The following NOX4 variants were observed in gnomAD, a reference collection of about 807,000 sequenced individuals.
NOX4 encodes NADPH oxidase 4.
Under a neutral mutation model 87.6 loss-of-function variants are expected in NOX4, and 69 were observed. That is an observed-to-expected ratio of 0.79 (90% CI 0.65 to 0.96). NOX4 has a LOEUF of 0.96. NOX4 is among the 40% of genes least tolerant of loss of function. NOX4 has a pLI of 0.00. For missense variants in NOX4, 680 were observed against 681.5 expected (o/e 1.00, Z 0.02); for synonymous variants, 275 against 238.2 (o/e 1.15, Z -1.42).
chr11:89,427,124 A>C lies in NOX4; in HGVS notation c.549-5142T>G, dbSNP rs1399164565. Reference sequence around the variant, plus strand: ...CCCAGGCAAACAGCATCTGGAGTGGACCTCCAGCAAACTCCAACAGACCTG... The same window carrying C: ...CCCAGGCAAACAGCATCTGGAGTGGCCCTCCAGCAAACTCCAACAGACCTG... On this transcript the variant is annotated intron_variant, in intron 7 of 17. Transcript: ENST00000263317. Among the ~76,000 whole-genome samples the C allele has an allele frequency of 3.3e-5, 5 of 152,272 alleles. No homozygotes were observed. The East Asian group carries it at 9.6e-4, about 29-fold the overall frequency.
intron 8 of NOX4, among the ~76,000 whole-genome samples, chr11:89,421,051 A>C (rs566178951): frequency 6.6e-6 from 1 of 152,296 alleles, no homozygotes; most frequent in Non-Finnish European, 1.5e-5. Context: ...GAGTTGCTAC[A>C]TGAAGGAGTG....
chr11:89,424,456 A>G (rs1322666767), intron 7 of NOX4, among the ~76,000 whole-genome samples: 1 of 150,420 alleles, frequency 6.6e-6, no homozygotes, highest in African/African-American at 2.5e-5. Flanking sequence ...AATAATTCCA[A>G]ATGTTTCATT....
intron 2 of NOX4, among the ~76,000 whole-genome samples, chr11:89,465,242 T>C (rs927819064): frequency 5.3e-5 from 8 of 152,194 alleles, no homozygotes; most frequent in Non-Finnish European, 8.8e-5. Context: ...GTGTTTGGTT[T>C]TCTGCTGTTG....
chr11:89,542,547 A>T, the NOX4 span, among the ~76,000 whole-genome samples: 3 of 152,320 alleles, frequency 2.0e-5, no homozygotes, highest in African/African-American at 7.2e-5. Flanking sequence ...AGCCAGGCAG[A>T]TTCTGTCCGG....
chr11:89,497,267 G>A (rs762365073), intron 1 of NOX4, among the ~76,000 whole-genome samples: 2 of 152,122 alleles, frequency 1.3e-5, no homozygotes, highest in Non-Finnish European at 2.9e-5. Context: ...AGTAATTCCT[G>A]TATGTGTGTG....
chr11:89,507,464 CATATAAT>C, the NOX4 span, among the ~76,000 whole-genome samples: 155 of 151,044 alleles, frequency 1.0e-3, 1 homozygote, highest in African/African-American at 3.3e-3. Flanking sequence ...ATGCATATGT[CATATAAT>C]ATATAACAAT....
chr11:89,540,681 G>A, the NOX4 span, among the ~76,000 whole-genome samples: 1 of 151,040 alleles, frequency 6.6e-6, no homozygotes, highest in Admixed American at 6.6e-5. Flanking sequence ...CCAGCTACTC[G>A]GGAGGCTGAG....
At chr11:89,465,957 C>A (rs1480242418) in intron 2 of NOX4, among the ~76,000 whole-genome samples, 1 of 152,092 alleles carries the variant, frequency 6.6e-6, no homozygotes, top group Non-Finnish European at 1.5e-5. Context: ...TCTGATTAAA[C>A]TAAAGAACTT....
chr11:89,585,486 C>T, the NOX4 span, among the ~76,000 whole-genome samples: 2 of 152,140 alleles, frequency 1.3e-5, no homozygotes, highest in Non-Finnish European at 2.9e-5. Context: ...TAAAAGGCCA[C>T]ATAGTAAATA....
chr11:89,573,330 A>G, the NOX4 span, among the ~76,000 whole-genome samples: 1 of 152,126 alleles, frequency 6.6e-6, no homozygotes, highest in Non-Finnish European at 1.5e-5. Context: ...AGCTCAGGAG[A>G]TCGAGACCAT....
At chr11:89,400,579 A>C (rs1179803650) in intron 9 of NOX4, among the ~76,000 whole-genome samples, 200 bp from the exon 10 acceptor site, 2 of 152,132 alleles carry the variant, frequency 1.3e-5, no homozygotes, top group African/African-American at 4.8e-5. Flanking sequence ...AACAGAAAGT[A>C]ATATCAAGAC....
chr11:89,352,535 C>G (rs993728608), intron 13 of NOX4, among the ~76,000 whole-genome samples: 1 of 152,138 alleles, frequency 6.6e-6, no homozygotes, highest in Non-Finnish European at 1.5e-5. Flanking sequence ...CTTCTAGATG[C>G]TATTAAGAAC....
chr11:89,390,284 T>C (rs1941035783), intron 11 of NOX4, among the ~76,000 whole-genome samples: 1 of 152,166 alleles, frequency 6.6e-6, no homozygotes, highest in South Asian at 2.1e-4. Context: ...TTTCCACTTA[T>C]GAAAACAAAA....
intron 12 of NOX4, among the ~76,000 whole-genome samples, chr11:89,357,561 C>G (rs1169407271): frequency 1.3e-5 from 2 of 152,002 alleles, no homozygotes; most frequent in Non-Finnish European, 2.9e-5. Flanking sequence ...CAATTTTTTT[C>G]CCACTTAGCC....
chr11:89,395,294 A>G (rs933657990), intron 11 of NOX4, among the ~76,000 whole-genome samples: 2 of 152,154 alleles, frequency 1.3e-5, no homozygotes, highest in African/African-American at 4.8e-5. Flanking sequence ...GGCTGCATAA[A>G]TGTCTTCTTT....
At chr11:89,546,619 A>G in the NOX4 span, 10 of 152,284 alleles carry the variant, frequency 6.6e-5, 1 homozygote, top group East Asian at 5.8e-4. Context: ...GTTTATAAAG[A>G]AAAAAATAAT....
the NOX4 span, among the ~76,000 whole-genome samples, chr11:89,551,760 C>T: frequency 6.7e-6 from 1 of 149,906 alleles, no homozygotes; most frequent in Non-Finnish European, 1.5e-5. Flanking sequence ...TTGATTTCCT[C>T]TCTTCCTGTT....
the NOX4 span, among the ~76,000 whole-genome samples, chr11:89,550,107 T>A: frequency 6.6e-6 from 1 of 152,186 alleles, no homozygotes; most frequent in East Asian, 1.9e-4. Flanking sequence ...TAATTTACAC[T>A]CCCACCAACA....
At chr11:89,353,654 T>G (rs757476871) in intron 13 of NOX4, among the ~76,000 whole-genome samples, 3 of 152,066 alleles carry the variant, frequency 2.0e-5, no homozygotes, top group South Asian at 2.1e-4. Context: ...CCACAATATC[T>G]CTGAGGTATT....
Sources: gnomAD v4.1 joint callset for allele counts (sites outside exome capture counted in the v4.1 genomes callset) on GRCh38, gnomAD v4.1.1 for gene constraint, MANE v1.5 for transcripts, NCBI Gene and HGNC (gene_info 2026-07-23, HGNC 2026-07-21) for gene names.